Variants in KCNH1 observed in about 807,000 individuals in gnomAD.
KCNH1 encodes the protein potassium voltage-gated channel subfamily H member 1, also known as voltage-gated delayed rectifier potassium channel KCNH1.
Under a neutral mutation model 69.2 loss-of-function variants are expected in KCNH1, and 27 were observed. That is an observed-to-expected ratio of 0.39 (90% CI 0.29 to 0.54). The LOEUF (loss-of-function observed/expected upper bound fraction) is 0.54, where lower values mean the gene tolerates loss of function less well. KCNH1 is among the 20% of genes least tolerant of loss of function. The probability of loss-of-function intolerance (pLI) is 0.68; values close to 1 mark genes in which losing one functional copy is unlikely to be tolerated. For synonymous variants in KCNH1, 456 were observed against 487.7 expected (o/e 0.93, Z 0.86); for missense variants, 798 against 1,261.6 (o/e 0.63, Z 5.57).
intron 6 of KCNH1, among the ~76,000 whole-genome samples, chr1:211,002,097 C>A (rs185661969): frequency 3.9e-5 from 6 of 151,982 alleles, no homozygotes; most frequent in Non-Finnish European, 2.9e-5. Context: ...ACCAACATGG[C>A]ACATGTACAC....
chr1:210,824,544 A>C (rs368639074), intron 7 of KCNH1, among the ~76,000 whole-genome samples: 49 of 152,292 alleles, frequency 3.2e-4, no homozygotes, highest in African/African-American at 1.2e-3. Context: ...TGTCTGACTT[A>C]ATAGATGACA....
At chr1:210,859,883 G>C (rs1289939561) in intron 7 of KCNH1, 1 of 1,246,446 alleles carries the variant, frequency 8.0e-7, no homozygotes, top group Non-Finnish European at 1.2e-6. Flanking sequence ...GATTTTCTAA[G>C]GTATTTAGTA....
At chr1:210,838,150 G>T (rs1685326324) in intron 7 of KCNH1, among the ~76,000 whole-genome samples, 1 of 152,136 alleles carries the variant, frequency 6.6e-6, no homozygotes, top group South Asian at 2.1e-4. Context: ...CAGACACATA[G>T]ACCAGTAGAA....
intron 5 of KCNH1, among the ~76,000 whole-genome samples, chr1:211,019,560 A>G (rs530805695): frequency 6.6e-6 from 1 of 152,322 alleles, no homozygotes; most frequent in African/African-American, 2.4e-5. Context: ...GCCAATTATT[A>G]TTGGCTCAAT....
At chr1:211,131,592 G>T (rs147754858) in intron 1 of KCNH1, among the ~76,000 whole-genome samples, 101 of 152,274 alleles carry the variant, frequency 6.6e-4, no homozygotes, top group Middle Eastern at 6.8e-3. Flanking sequence ...AGGGCTCATG[G>T]ATTTTAGAAT....
intron 10 of KCNH1, among the ~76,000 whole-genome samples, chr1:210,698,821 C>T (rs1046185009): frequency 3.3e-5 from 5 of 152,236 alleles, no homozygotes; most frequent in African/African-American, 1.2e-4. Context: ...TGAACCCAGG[C>T]TGGTCTGCCA....
chr1:210,983,201 G>T (rs3951251), intron 6 of KCNH1, among the ~76,000 whole-genome samples: 117,415 of 152,002 alleles, frequency 0.77, 46,059 homozygotes, highest in African/African-American at 0.89. Flanking sequence ...TTGCAGAAAT[G>T]TTCTCCCATT....
At chr1:211,060,737 T>C (rs1690420678) in intron 5 of KCNH1, among the ~76,000 whole-genome samples, 1 of 152,060 alleles carries the variant, frequency 6.6e-6, no homozygotes, top group African/African-American at 2.4e-5. Flanking sequence ...CCTAGACATA[T>C]ACAACCTACC....
At chr1:210,856,340 G>T (rs752966394) in intron 7 of KCNH1, among the ~76,000 whole-genome samples, 1 of 152,064 alleles carries the variant, frequency 6.6e-6, no homozygotes, top group Admixed American at 6.6e-5. Context: ...AAACTTAAAC[G>T]TCAGTTGCTC....
intron 5 of KCNH1, among the ~76,000 whole-genome samples, chr1:211,060,400 CAAAAA>C (rs60620622): frequency 2.3e-5 from 1 of 44,324 alleles, no homozygotes; most frequent in African/African-American, 1.2e-4. Context: ...GACTCCGTCT[CAAAAA>C]AAAAAAAAAA....
intron 10 of KCNH1, among the ~76,000 whole-genome samples, chr1:210,711,364 T>A (rs1350797229): frequency 6.6e-6 from 1 of 152,220 alleles, no homozygotes; most frequent in African/African-American, 2.4e-5. Flanking sequence ...AGGTTCTCCT[T>A]CATCTCTCTA....
At chr1:210,947,921 T>C (rs966660055) in intron 6 of KCNH1, among the ~76,000 whole-genome samples, 16 of 151,970 alleles carry the variant, frequency 1.1e-4, no homozygotes, top group Non-Finnish European at 1.6e-4. Context: ...TAAATCGAGA[T>C]AATTGCCCTC....
At chr1:210,908,658 A>G (rs1369542355) in intron 7 of KCNH1, among the ~76,000 whole-genome samples, 1 of 152,128 alleles carries the variant, frequency 6.6e-6, no homozygotes, top group African/African-American at 2.4e-5. Context: ...TCGTTTCCCC[A>G]ATGGGTGCAT....
chr1:211,066,190 A>G (rs889725070), intron 5 of KCNH1, among the ~76,000 whole-genome samples: 2 of 152,220 alleles, frequency 1.3e-5, no homozygotes, highest in Non-Finnish European at 2.9e-5. Flanking sequence ...CTTTAGTTTT[A>G]AAGTCTGATT....
chr1:210,757,378 C>A (rs920360170), intron 10 of KCNH1, among the ~76,000 whole-genome samples: 1 of 152,148 alleles, frequency 6.6e-6, no homozygotes, highest in African/African-American at 2.4e-5. Flanking sequence ...TAAATTCCTA[C>A]CCCTCTATCA....
chr1:210,818,553 T>C (rs1475769005), intron 7 of KCNH1, among the ~76,000 whole-genome samples: 1 of 152,194 alleles, frequency 6.6e-6, no homozygotes, highest in Non-Finnish European at 1.5e-5. Context: ...GATAATACCA[T>C]CTGCCTTATA....
At chr1:210,987,222 G>A (rs900999670) in intron 6 of KCNH1, among the ~76,000 whole-genome samples, 1 of 152,142 alleles carries the variant, frequency 6.6e-6, no homozygotes, top group African/African-American at 2.4e-5. Context: ...TTTGCCGTGG[G>A]TTTGAACTTC....
chr1:211,123,161 T>C (rs1166117352), intron 1 of KCNH1, among the ~76,000 whole-genome samples: 1 of 152,098 alleles, frequency 6.6e-6, no homozygotes. Context: ...TCTGCCCCAC[T>C]CTACATATCA....
chr1:210,852,349 G>A (rs1469109573), intron 7 of KCNH1, among the ~76,000 whole-genome samples: 2 of 152,216 alleles, frequency 1.3e-5, no homozygotes, highest in Non-Finnish European at 2.9e-5. Flanking sequence ...AGGCTGGAGA[G>A]GGAGCAGCCA....
Sources: allele counts gnomAD v4.1 joint callset (sites outside exome capture counted in the v4.1 genomes callset), GRCh38; gene constraint gnomAD v4.1.1; transcripts MANE v1.5; gene names NCBI Gene and HGNC (gene_info 2026-07-23, HGNC 2026-07-21).